Variants in ADAMTS19 observed in about 807,000 individuals in gnomAD.
The protein encoded by ADAMTS19 is ADAM metallopeptidase with thrombospondin type 1 motif 19, also known as A disintegrin and metalloproteinase with thrombospondin motifs 19.
Under a neutral mutation model 153.3 loss-of-function variants are expected in ADAMTS19, and 93 were observed. That is an observed-to-expected ratio of 0.61 (90% CI 0.51 to 0.72). The LOEUF is 0.72. Among genes scored for constraint, ADAMTS19 ranks in the 30% least tolerant of loss-of-function variants. ADAMTS19 has a pLI of 0.00. For synonymous variants in ADAMTS19, 600 were observed against 556.6 expected (o/e 1.08, Z -1.10); for missense variants, 1,482 against 1,552.1 (o/e 0.95, Z 0.76).
intron 8 of ADAMTS19, among the ~76,000 whole-genome samples, chr5:129,608,642 T>C (rs1262722836): frequency 1.3e-5 from 2 of 152,024 alleles, no homozygotes; most frequent in Non-Finnish European, 2.9e-5. Flanking sequence ...CCAGTTATAA[T>C]GGCTCACAGT....
In ADAMTS19 at chr5:129,670,239, A is replaced by T. The variant is rs542715511; in HGVS notation, c.2506+4660A>T. Among the ~76,000 whole-genome samples the T allele has an allele frequency of 1.4e-3, 216 of 152,172 alleles. 1 individual carries two copies. The highest frequency in any genetic ancestry group is 0.012 in the Admixed American group (179 of 15,280). On this transcript the variant is annotated intron_variant, in intron 16 of 22. Transcript: ENST00000274487. ...TATTTGTTTAAATTCTTGCTTTTCT[A>T]ATGTCAATCTCCATTGTTAATTCTG...
In ADAMTS19 at chr5:129,608,112, G is replaced by A. The variant is rs1352116096; in HGVS notation, c.1478+11448G>A. Reference sequence around the variant, plus strand: ...TATATGTGTGTGTGTGTGTGTGTGTGTGTGTATATATATATATATATATAT... The same window carrying A: ...TATATGTGTGTGTGTGTGTGTGTGTATGTGTATATATATATATATATATAT... On this transcript the variant is annotated intron_variant, in intron 8 of 22. Coordinates refer to ENST00000274487, the MANE Select transcript of ADAMTS19 (RefSeq NM_133638.6). 2.7e-3 allele frequency among the ~76,000 whole-genome samples: 86 copies of A among 31,792 alleles called. 1 individual carries two copies. The highest frequency in any genetic ancestry group is 4.7e-3 in the African/African-American group (70 of 14,800). 20.9% of individuals were successfully genotyped at this position (31,792 alleles called of 152,430 possible). A position where few individuals can be genotyped will look rare whatever the true frequency, so the allele number is the denominator to read the frequency against.
chr5:129,577,526 T>C (rs747117535), intron 7 of ADAMTS19, among the ~76,000 whole-genome samples: 1 of 152,118 alleles, frequency 6.6e-6, no homozygotes, highest in Non-Finnish European at 1.5e-5. Flanking sequence ...AATGTCTCAC[T>C]GAAGAAAGTG....
At chr5:129,629,054 T>A (rs1251539832) in intron 10 of ADAMTS19, among the ~76,000 whole-genome samples, 1 of 151,572 alleles carries the variant, frequency 6.6e-6, no homozygotes, top group Non-Finnish European at 1.5e-5. Flanking sequence ...TGGCAGTCTG[T>A]CATCTAAGTG....
intron 7 of ADAMTS19, among the ~76,000 whole-genome samples, chr5:129,587,637 G>C (rs963383881): frequency 1.3e-5 from 2 of 152,140 alleles, no homozygotes; most frequent in Non-Finnish European, 2.9e-5. Context: ...TTGGGGTTTT[G>C]CTATTTAAAA....
chr5:129,478,629 C>A (rs1750305781), intron 2 of ADAMTS19, among the ~76,000 whole-genome samples: 1 of 152,136 alleles, frequency 6.6e-6, no homozygotes, highest in African/African-American at 2.4e-5. Context: ...TCACTGCCAC[C>A]TCGAACTCCC....
intron 7 of ADAMTS19, among the ~76,000 whole-genome samples, chr5:129,573,326 CT>C (rs1294043780): frequency 6.6e-6 from 1 of 151,908 alleles, no homozygotes; most frequent in Non-Finnish European, 1.5e-5. Flanking sequence ...CCCTTTATTC[CT>C]TTTCCACATT....
chr5:129,647,714 A>C, intron 11 of ADAMTS19, 51 bp from the exon 12 acceptor site: 1 of 1,581,944 alleles, frequency 6.3e-7, no homozygotes, highest in Non-Finnish European at 8.6e-7. Context: ...CCAGCGAATG[A>C]TTTTCAGTTG....
chr5:129,603,689 C>T (rs1345698677), intron 8 of ADAMTS19, among the ~76,000 whole-genome samples: 20 of 152,142 alleles, frequency 1.3e-4, no homozygotes, highest in Admixed American at 1.3e-3. Flanking sequence ...TAAATCTGGA[C>T]ATTTATTGAA....
At chr5:129,612,618 A>C (rs902911140) in intron 8 of ADAMTS19, among the ~76,000 whole-genome samples, 2 of 152,182 alleles carry the variant, frequency 1.3e-5, no homozygotes, top group Admixed American at 6.5e-5. Context: ...TGCTAGGAAG[A>C]AACTGCATCA....
At chr5:129,490,475 C>T (rs889819550) in intron 2 of ADAMTS19, among the ~76,000 whole-genome samples, 7 of 152,072 alleles carry the variant, frequency 4.6e-5, no homozygotes, top group Non-Finnish European at 1.0e-4. Flanking sequence ...GTGCTAAGTA[C>T]ATTATAAGAT....
In ADAMTS19 at chr5:129,500,976, T is replaced by C. The variant is rs570971256; in HGVS notation, c.748-8101T>C. Among the ~76,000 whole-genome samples the C allele has an allele frequency of 2.6e-5, 4 of 152,258 alleles. No homozygotes were observed. The South Asian group carries it at 8.3e-4, about 32-fold the overall frequency. ...GTAGAATATAAAATTCTAAAATATA[T>C]CTATGCCTGTGTGTACATGCAAACG... On this transcript the variant is annotated intron_variant, in intron 2 of 22. Transcript: ENST00000274487.
chr5:129,492,685 A>G (rs2126693609), intron 2 of ADAMTS19, among the ~76,000 whole-genome samples: 1 of 152,316 alleles, frequency 6.6e-6, no homozygotes, highest in East Asian at 1.9e-4. Flanking sequence ...TGCTTTAAAT[A>G]CCAGTCTGTT....
chr5:129,514,336 C>G (rs1751529179), intron 3 of ADAMTS19, among the ~76,000 whole-genome samples: 1 of 152,048 alleles, frequency 6.6e-6, no homozygotes, highest in African/African-American at 2.4e-5. Context: ...TATGGTAGCT[C>G]TCTTTTTAAT....
chr5:129,481,136 A>C (rs1011932602), intron 2 of ADAMTS19, among the ~76,000 whole-genome samples: 4 of 152,154 alleles, frequency 2.6e-5, no homozygotes, highest in African/African-American at 9.7e-5. Context: ...TAAACAAAAG[A>C]GGTTTAATTG....
At chr5:129,646,389 C>T (rs1177433481) in intron 11 of ADAMTS19, among the ~76,000 whole-genome samples, 1 of 151,820 alleles carries the variant, frequency 6.6e-6, no homozygotes, top group East Asian at 1.9e-4. Flanking sequence ...ATTTTATGGC[C>T]TATAAAAGTA....
rs576091058 is a variant in ADAMTS19 at position 129,523,886 on chromosome 5, G to T, written c.914-2398G>T. Among the ~76,000 whole-genome samples, 9 of 152,264 alleles carry T rather than the reference G, an allele frequency of 5.9e-5. No homozygotes were observed. In the South Asian group the frequency reaches 1.9e-3, roughly 32 times the overall value. ...TCGATATTGTGAAAATGGCCATACT[G>T]CCCAAAGTAATTTATAGATTCAGTG... On this transcript the variant is annotated intron_variant, in intron 3 of 22. Transcript: ENST00000274487.
Position 129,566,639 on chromosome 5 carries a change from G to A in ADAMTS19, c.1372+14732G>A, listed in dbSNP as rs77337478. Among the ~76,000 whole-genome samples, 211 of 152,266 alleles carry A rather than the reference G, an allele frequency of 1.4e-3. 3 individuals are homozygous for A. In the East Asian group the frequency reaches 0.025, roughly 18 times the overall value. ...GGCCTGTAGAGATAAAACACTAGGAGAAGCCCTCCCATTCTGGATTAAGGA... is the reference window on the plus strand; with the variant it reads ...GGCCTGTAGAGATAAAACACTAGGAAAAGCCCTCCCATTCTGGATTAAGGA... On this transcript the variant is annotated intron_variant, in intron 7 of 22. Coordinates refer to ENST00000274487, the MANE Select transcript of ADAMTS19 (RefSeq NM_133638.6).
chr5:129,537,041 C>T (rs191919368), intron 6 of ADAMTS19, among the ~76,000 whole-genome samples: 1 of 150,518 alleles, frequency 6.6e-6, no homozygotes, highest in East Asian at 2.0e-4. Context: ...CACATGTACC[C>T]TAAAACTTAA....
Sources: allele counts gnomAD v4.1 joint callset (sites outside exome capture counted in the v4.1 genomes callset), GRCh38; gene constraint gnomAD v4.1.1; transcripts MANE v1.5; gene names NCBI Gene and HGNC (gene_info 2026-07-23, HGNC 2026-07-21).